Variants in ADAMTSL3 observed in about 807,000 individuals in gnomAD.
ADAMTSL3 encodes ADAMTS-like protein 3.
In ADAMTSL3, 128 loss-of-function variants were observed where a neutral mutation model predicts 201.7. The observed-to-expected ratio is 0.63, with a 90% CI of 0.55 to 0.73. ADAMTSL3 has a LOEUF of 0.73. Among genes scored for constraint, ADAMTSL3 ranks in the 30% least tolerant of loss-of-function variants. ADAMTSL3 has a pLI of 0.00. For missense variants in ADAMTSL3, 1,990 were observed against 2,119.6 expected (o/e 0.94, Z 1.20); for synonymous variants, 738 against 748.4 (o/e 0.99, Z 0.23).
chr15:83,937,229 A>G (rs1234438110), intron 17 of ADAMTSL3, among the ~76,000 whole-genome samples: 1 of 150,982 alleles, frequency 6.6e-6, no homozygotes, highest in African/African-American at 2.5e-5. Flanking sequence ...CCGCAGCACT[A>G]TTCACAATAG....
At chr15:83,711,331 C>T (rs2061930553) in intron 3 of ADAMTSL3, among the ~76,000 whole-genome samples, 1 of 152,160 alleles carries the variant, frequency 6.6e-6, no homozygotes, top group South Asian at 2.1e-4. Context: ...AAAGTATATA[C>T]CAACTTCTGA....
intron 8 of ADAMTSL3, among the ~76,000 whole-genome samples, chr15:83,866,150 C>T (rs1227207790): frequency 6.6e-6 from 1 of 152,206 alleles, no homozygotes; most frequent in Non-Finnish European, 1.5e-5. Context: ...AACACTTTTA[C>T]ACTGTTGGTG....
chr15:83,717,463 A>C (rs1268106201), intron 3 of ADAMTSL3: 1 of 152,196 alleles, frequency 6.6e-6, no homozygotes, highest in Non-Finnish European at 1.5e-5. Context: ...AAAATGAACA[A>C]TACAGAGAAG....
chr15:83,678,749 T>TTA lies in ADAMTSL3; in HGVS notation c.69+22929_69+22930dup, dbSNP rs1218818965. Among the ~76,000 whole-genome samples, 50 of 144,036 alleles carry TTA rather than the reference T, an allele frequency of 3.5e-4. 1 individual carries two copies. Among genetic ancestry groups the TTA allele is most frequent in the Non-Finnish European group, 5.1e-4 (34 of 66,346 alleles). The allele number at this position is 144,036 out of a possible 152,430, so 94.5% of individuals were successfully genotyped here. On this transcript the variant is annotated intron_variant, in intron 2 of 29. Transcript: ENST00000286744. ...ATATATATATTGCCTAATATATATATTATATATATATTGTGTATATATATA... is the reference window on the plus strand; with the variant it reads ...ATATATATATTGCCTAATATATATATTATATATATATATTGTGTATATATATA...
chr15:83,810,069 C>A (rs1466953251), intron 5 of ADAMTSL3, among the ~76,000 whole-genome samples: 1 of 152,314 alleles, frequency 6.6e-6, no homozygotes, highest in East Asian at 1.9e-4. Flanking sequence ...ACATTTCTAT[C>A]TGTATCTCTC....
At chr15:83,782,095 A>G (rs1320667107) in intron 4 of ADAMTSL3, among the ~76,000 whole-genome samples, 1 of 152,190 alleles carries the variant, frequency 6.6e-6, no homozygotes, top group Non-Finnish European at 1.5e-5. Context: ...AATATAAATC[A>G]TTTAATTATA....
intron 15 of ADAMTSL3, among the ~76,000 whole-genome samples, chr15:83,903,955 A>AGGGAG (rs2065784995): frequency 1.2e-5 from 1 of 82,592 alleles, no homozygotes; most frequent in Non-Finnish European, 2.3e-5. Context: ...GAAAAAAGAA[A>AGGGAG]GAAAGAAAGA....
intron 3 of ADAMTSL3, among the ~76,000 whole-genome samples, chr15:83,749,104 T>G: frequency 6.6e-6 from 1 of 152,188 alleles, no homozygotes; most frequent in East Asian, 1.9e-4. Flanking sequence ...CATTTAGAGT[T>G]GTCCTAAGTT....
intron 3 of ADAMTSL3, among the ~76,000 whole-genome samples, chr15:83,748,728 G>T (rs767300095): frequency 4.6e-5 from 7 of 150,928 alleles, no homozygotes; most frequent in Non-Finnish European, 1.0e-4. Context: ...AAGAAACACA[G>T]CATGCATTTG....
Position 83,982,511 on chromosome 15 carries a change from C to G in ADAMTSL3, c.2883C>G (p.Ile961Met). 6.2e-7 allele frequency: 1 copy of G among 1,614,218 alleles called. No individual in the cohort carries two copies. Among genetic ancestry groups the G allele is most frequent in the Non-Finnish European group, 8.5e-7 (1 of 1,180,036 alleles). The stretch of plus-strand genomic sequence containing the variant: ...TGCAGAACTCCAAACGGCTTGGCAT[C>G]ACCAAGTCAGGCTCACTAAAAATCC... The part of the protein sequence containing the change: ...RCLQNSKRLG[I>M]TKSGSLKIHG... Residue 961 changes from isoleucine (I) to methionine (M), a missense_variant, in exon 21 of 30, where the codon ATC (isoleucine) becomes ATG (methionine). Transcript: ENST00000286744.
intron 3 of ADAMTSL3, among the ~76,000 whole-genome samples, chr15:83,706,995 A>G (rs577561123): frequency 2.2e-3 from 340 of 152,212 alleles, no homozygotes; most frequent in Non-Finnish European, 3.2e-3. Flanking sequence ...AATGCTGAAC[A>G]TGCTTCTCAG....
intron 19 of ADAMTSL3, chr15:83,962,688 G>A (rs184165641): frequency 1.7e-4 from 26 of 152,196 alleles, no homozygotes; most frequent in Middle Eastern, 3.4e-3. Flanking sequence ...TGGATACTTG[G>A]TAATGAGTAT....
At chr15:83,999,355 AT>A (rs998000156) in intron 23 of ADAMTSL3, among the ~76,000 whole-genome samples, 8 of 152,142 alleles carry the variant, frequency 5.3e-5, no homozygotes, top group Non-Finnish European at 1.0e-4. Flanking sequence ...CATTTGGATT[AT>A]TTTTTTAAAA....
At chr15:83,976,281 G>A (rs2067286500) in intron 20 of ADAMTSL3, among the ~76,000 whole-genome samples, 1 of 152,064 alleles carries the variant, frequency 6.6e-6, no homozygotes, top group Admixed American at 6.6e-5. Context: ...ATAGTTGCTA[G>A]CAGTCTCATT....
At chr15:83,733,490 A>T (rs1052329419) in intron 3 of ADAMTSL3, among the ~76,000 whole-genome samples, 1 of 152,108 alleles carries the variant, frequency 6.6e-6, no homozygotes, top group Admixed American at 6.5e-5. Context: ...TGCTAGGTTC[A>T]TTGTCCTTTG....
chr15:83,972,388 G>A (rs767738363), intron 20 of ADAMTSL3, among the ~76,000 whole-genome samples: 4 of 152,126 alleles, frequency 2.6e-5, no homozygotes, highest in African/African-American at 4.8e-5. Flanking sequence ...ATCATGCTTC[G>A]TTCAAGTTGC....
chr15:83,935,704 A>G (rs967880150), intron 17 of ADAMTSL3, among the ~76,000 whole-genome samples: 2 of 152,134 alleles, frequency 1.3e-5, no homozygotes, highest in Non-Finnish European at 2.9e-5. Context: ...CATTATCTTC[A>G]AATGGCTCAG....
intron 3 of ADAMTSL3, among the ~76,000 whole-genome samples, chr15:83,724,746 A>G (rs2062149060): frequency 6.6e-6 from 1 of 151,982 alleles, no homozygotes; most frequent in African/African-American, 2.4e-5. Context: ...GTGTATCCCC[A>G]TGAGTTCAAA....
chr15:83,829,477 G>C (rs935583113), intron 6 of ADAMTSL3, among the ~76,000 whole-genome samples: 3 of 152,010 alleles, frequency 2.0e-5, no homozygotes, highest in African/African-American at 7.2e-5. Context: ...CAAAAAACCA[G>C]CTCCTGGATT....
Sources: allele counts gnomAD v4.1 joint callset (sites outside exome capture counted in the v4.1 genomes callset), GRCh38; gene constraint gnomAD v4.1.1; transcripts MANE v1.5; gene names NCBI Gene and HGNC (gene_info 2026-07-23, HGNC 2026-07-21).